BCAR3: variants seen among roughly 807,000 people sequenced by gnomAD.
BCAR3 encodes the protein BCAR3 adaptor protein, NSP family member, also known as breast cancer anti-estrogen resistance protein 3.
In BCAR3, 37 loss-of-function variants were observed where a neutral mutation model predicts 80.1. That is an observed-to-expected ratio of 0.46 (90% CI 0.36 to 0.61). BCAR3 has a LOEUF of 0.61. Ranked by LOEUF, BCAR3 falls within the 20% of genes least tolerant of loss-of-function variation. BCAR3 has a pLI of 0.00. For missense variants in BCAR3, 978 were observed against 1,068.2 expected, an observed-to-expected ratio of 0.92 and a Z score of 1.18; for synonymous variants, 389 against 418.9, an observed-to-expected ratio of 0.93 and a Z score of 0.87.
At chr1:93,576,465 C>T (rs995855011) in intron 7 of BCAR3, among the ~76,000 whole-genome samples, 2 of 152,202 alleles carry the variant, frequency 1.3e-5, no homozygotes, top group African/African-American at 2.4e-5. Context: ...CCTGCTGCGA[C>T]GTTTTGCTGC....
At chr1:93,735,587 C>T (rs1365715184) in intron 2 of BCAR3, among the ~76,000 whole-genome samples, 1 of 152,234 alleles carries the variant, frequency 6.6e-6, no homozygotes, top group African/African-American at 2.4e-5. Flanking sequence ...ATTTTGTAGA[C>T]ATTTAATTCA....
At chr1:93,752,781 T>A (rs1571097399) in intron 2 of BCAR3, 1 of 152,218 alleles carries the variant, frequency 6.6e-6, no homozygotes, top group African/African-American at 2.4e-5. Context: ...ACAAAGAGAG[T>A]GCCTCCTTCA....
intron 2 of BCAR3, among the ~76,000 whole-genome samples, chr1:93,666,739 G>A (rs767207328): frequency 3.9e-5 from 6 of 152,200 alleles, no homozygotes; most frequent in Non-Finnish European, 7.3e-5. Flanking sequence ...GTATTAGTAC[G>A]ATGGTATGCT....
intron 3 of BCAR3, among the ~76,000 whole-genome samples, chr1:93,628,459 C>T (rs74101646): frequency 0.028 from 4,294 of 152,272 alleles, 61 homozygotes; most frequent in Middle Eastern, 0.054. Context: ...CACAATCCCT[C>T]GCACATCACC....
At chr1:93,704,235 A>G (rs1421911816) in intron 3 of BCAR3, among the ~76,000 whole-genome samples, 5 of 148,676 alleles carry the variant, frequency 3.4e-5, no homozygotes, top group Admixed American at 6.7e-5. Flanking sequence ...GTGGGCAGAC[A>G]GTTTCACTCA....
At chr1:93,684,254 T>TG (rs1331457608), upstream of BCAR3, among the ~76,000 whole-genome samples, 1 of 152,192 alleles carries the variant, frequency 6.6e-6, no homozygotes, top group African/African-American at 2.4e-5. Flanking sequence ...AAAACATTAG[T>TG]TTTTCTTGAT....
chr1:93,789,318 GC>G (rs2100772211), intron 2 of BCAR3, among the ~76,000 whole-genome samples: 1 of 152,306 alleles, frequency 6.6e-6, no homozygotes, highest in African/African-American at 2.4e-5. Flanking sequence ...ATGCTCACCA[GC>G]AAAGAAAGAC....
At chr1:93,778,524 T>C (rs1211823708) in intron 2 of BCAR3, among the ~76,000 whole-genome samples, 1 of 148,834 alleles carries the variant, frequency 6.7e-6, no homozygotes, top group African/African-American at 2.5e-5. Context: ...CATGGAGTCC[T>C]TTTTTTTTTC....
At chr1:93,842,478 G>A (rs1051208694) in intron 2 of BCAR3, among the ~76,000 whole-genome samples, 1 of 152,110 alleles carries the variant, frequency 6.6e-6, no homozygotes, top group Non-Finnish European at 1.5e-5. Context: ...TATAAGGCTT[G>A]TAAGCCAAGC....
chr1:93,790,235 A>T (rs1653093713), intron 2 of BCAR3, among the ~76,000 whole-genome samples: 1 of 152,302 alleles, frequency 6.6e-6, no homozygotes, highest in South Asian at 2.1e-4. Context: ...AAAGACAATG[A>T]AGAAAAGAAA....
chr1:93,746,501 C>G (rs183190902), intron 2 of BCAR3, among the ~76,000 whole-genome samples: 1 of 152,230 alleles, frequency 6.6e-6, no homozygotes, highest in East Asian at 1.9e-4. Context: ...TTTTGTAGAA[C>G]AGAGCAACTT....
At chr1:93,614,020 A>T in intron 3 of BCAR3, 1 of 1,510,306 alleles carries the variant, frequency 6.6e-7, no homozygotes. Context: ...CCACCACAGC[A>T]GCTGTGCTGT....
chr1:93,567,824 C>T lies in BCAR3; in HGVS notation c.2002G>A (p.Ala668Thr), dbSNP rs761657137. The change falls in exon 10 of 12, where the codon GCT (alanine) becomes ACT (threonine). Residue 668 changes from alanine (A) to threonine (T), a missense_variant. By Grantham distance (58) the Ala-to-Thr change is moderately conservative. Coordinates refer to ENST00000260502, the MANE Select transcript of BCAR3 (RefSeq NM_003567.4). ...QITRLEKTWT[A>T]LRHQYTQTAI... ...GTTTGGGTGTACTGGTGCCGCAGAG[C>T]AGTCCACGTCTTTTCTAACCTTGTG... 42 of 1,614,058 alleles carry T rather than the reference C, an allele frequency of 2.6e-5. No individual in the cohort carries two copies. The highest frequency in any genetic ancestry group is 2.8e-5 in the Non-Finnish European group (33 of 1,179,960).
chr1:93,707,706 CAATA>C (rs938389392), intron 2 of BCAR3, among the ~76,000 whole-genome samples: 24 of 152,074 alleles, frequency 1.6e-4, no homozygotes, highest in African/African-American at 5.5e-4. Context: ...GACTCAGTCT[CAATA>C]AATAAATAAA....
At chr1:93,833,511 C>T (rs1054559654) in intron 2 of BCAR3, among the ~76,000 whole-genome samples, 6 of 152,274 alleles carry the variant, frequency 3.9e-5, no homozygotes, top group Middle Eastern at 3.4e-3. Flanking sequence ...TGTATTTCAT[C>T]CCTTATCTAC....
chr1:93,771,854 C>T (rs1047644643), intron 2 of BCAR3, among the ~76,000 whole-genome samples: 2 of 152,178 alleles, frequency 1.3e-5, no homozygotes, highest in Admixed American at 6.5e-5. Context: ...ACCAAATGTA[C>T]CCAAATATAG....
chr1:93,780,764 C>T (rs1652736769), intron 2 of BCAR3, among the ~76,000 whole-genome samples: 2 of 152,192 alleles, frequency 1.3e-5, no homozygotes, highest in Admixed American at 6.5e-5. Context: ...ACATAACATA[C>T]ATTACTAAAT....
At chr1:93,778,272 T>C (rs1004497250) in intron 2 of BCAR3, among the ~76,000 whole-genome samples, 11 of 152,228 alleles carry the variant, frequency 7.2e-5, no homozygotes, top group African/African-American at 7.2e-5. Flanking sequence ...TGGTCAGAGA[T>C]AGGAAACAGA....
chr1:93,722,241 G>A (rs1650431788), intron 2 of BCAR3, among the ~76,000 whole-genome samples: 1 of 152,232 alleles, frequency 6.6e-6, no homozygotes, highest in Admixed American at 6.5e-5. Flanking sequence ...CCGAGTGAGG[G>A]CCTCCTAGAG....
Sources: allele counts gnomAD v4.1 joint callset (sites outside exome capture counted in the v4.1 genomes callset), GRCh38; gene constraint gnomAD v4.1.1; transcripts MANE v1.5; gene names NCBI Gene and HGNC (gene_info 2026-07-23, HGNC 2026-07-21).